The following CDH4 variants were observed in gnomAD, a reference collection of about 807,000 sequenced individuals.
CDH4 encodes cadherin 4, also known as cadherin-4.
CDH4 carries 33 observed loss-of-function variants against 86.0 expected under a neutral mutation model. The ratio of observed to expected loss-of-function variants is 0.38; its 90% CI spans 0.29 to 0.51. The LOEUF (loss-of-function observed/expected upper bound fraction) is 0.51, where lower values mean the gene tolerates loss of function less well. Among genes scored for constraint, CDH4 ranks in the 20% least tolerant of loss-of-function variants. The pLI is 0.86. For missense variants in CDH4, 1,114 were observed against 1,307.4 expected (o/e 0.85, Z 2.28); for synonymous variants, 555 against 549.4 (o/e 1.01, Z -0.14).
intron 2 of CDH4, among the ~76,000 whole-genome samples, chr20:61,734,860 A>T (rs2088241053): frequency 6.6e-6 from 1 of 152,216 alleles, no homozygotes; most frequent in African/African-American, 2.4e-5. Context: ...ACCTGGGCAG[A>T]TATTCAAGAA....
chr20:61,335,839 G>A (rs2084614120), intron 2 of CDH4, among the ~76,000 whole-genome samples: 1 of 152,190 alleles, frequency 6.6e-6, no homozygotes, highest in South Asian at 2.1e-4. Context: ...GGTGACTTTG[G>A]TAAGAGCTGG....
intron 2 of CDH4, among the ~76,000 whole-genome samples, chr20:61,611,936 G>A (rs1386454970): frequency 2.6e-5 from 4 of 152,098 alleles, no homozygotes; most frequent in South Asian, 2.1e-4. Flanking sequence ...TGTGTGGGGG[G>A]ATACGGGCGA....
At chr20:61,316,002 C>CTT (rs2084474361) in intron 2 of CDH4, among the ~76,000 whole-genome samples, 1 of 152,116 alleles carries the variant, frequency 6.6e-6, no homozygotes, top group Admixed American at 6.5e-5. Flanking sequence ...TCCACAGGGC[C>CTT]CTGGAAGCTG....
intron 2 of CDH4, among the ~76,000 whole-genome samples, chr20:61,521,984 G>A (rs1046773536): frequency 2.0e-5 from 3 of 152,216 alleles, no homozygotes; most frequent in East Asian, 1.9e-4. Context: ...TTGAAGGTCC[G>A]CTTATTAATT....
intron 11 of CDH4, among the ~76,000 whole-genome samples, chr20:61,927,464 A>T (rs1363561144): frequency 2.0e-5 from 3 of 152,186 alleles, no homozygotes; most frequent in African/African-American, 7.2e-5. Context: ...CCGGGCCAGG[A>T]GGGAGCTTCC....
chr20:61,802,382 C>T (rs887726087), intron 4 of CDH4, among the ~76,000 whole-genome samples: 1 of 152,182 alleles, frequency 6.6e-6, no homozygotes, highest in Non-Finnish European at 1.5e-5. Context: ...TGTGTGTAGC[C>T]GAGAACCTCG....
chr20:61,627,937 C>A (rs2086845730), intron 2 of CDH4, among the ~76,000 whole-genome samples: 1 of 152,090 alleles, frequency 6.6e-6, no homozygotes, highest in African/African-American at 2.4e-5. Context: ...CAGCCGCCTC[C>A]TGGGCCCCCT....
chr20:61,821,378 C>T (rs1209556120), intron 4 of CDH4, among the ~76,000 whole-genome samples: 4 of 106,396 alleles, frequency 3.8e-5, no homozygotes, highest in Admixed American at 9.8e-5. Flanking sequence ...TCACTCCCTA[C>T]GCAGCCCCCA....
At chr20:61,451,547 C>T (rs1054898524) in intron 2 of CDH4, among the ~76,000 whole-genome samples, 3 of 152,220 alleles carry the variant, frequency 2.0e-5, no homozygotes, top group Non-Finnish European at 2.9e-5. Flanking sequence ...AGCATTTCTT[C>T]CTCTTCTACC....
intron 2 of CDH4, among the ~76,000 whole-genome samples, chr20:61,611,831 C>T (rs935777128): frequency 2.6e-5 from 4 of 151,942 alleles, no homozygotes; most frequent in East Asian, 1.9e-4. Context: ...GACTCTCCCA[C>T]GTCTTGGGCT....
intron 2 of CDH4, among the ~76,000 whole-genome samples, chr20:61,410,089 G>C (rs994508731): frequency 2.6e-5 from 4 of 152,240 alleles, no homozygotes; most frequent in Admixed American, 6.5e-5. Flanking sequence ...TTGATCCCAT[G>C]AGAATTGGCT....
At chr20:61,343,654 A>G (rs1283268100) in intron 2 of CDH4, among the ~76,000 whole-genome samples, 1 of 152,212 alleles carries the variant, frequency 6.6e-6, no homozygotes, top group Admixed American at 6.5e-5. Flanking sequence ...GGCTTCCAAA[A>G]AGGCTCATCC....
intron 4 of CDH4, among the ~76,000 whole-genome samples, chr20:61,820,084 G>C (rs1387257291): frequency 6.6e-6 from 1 of 152,192 alleles, no homozygotes; most frequent in Non-Finnish European, 1.5e-5. Context: ...TCAGACTCGG[G>C]GGGTCCTGCC....
intron 2 of CDH4, among the ~76,000 whole-genome samples, chr20:61,688,333 TC>T (rs1038090759): frequency 3.3e-5 from 5 of 151,656 alleles, no homozygotes; most frequent in African/African-American, 1.2e-4. Context: ...CCCTCCTCTC[TC>T]CCCATTGTGT....
intron 2 of CDH4, among the ~76,000 whole-genome samples, chr20:61,713,157 A>G (rs2087911315): frequency 6.7e-6 from 1 of 150,036 alleles, no homozygotes; most frequent in South Asian, 2.1e-4. Flanking sequence ...TGCAAAAATA[A>G]GTAAAGATGC....
chr20:61,669,022 G>T (rs1177024521), intron 2 of CDH4, among the ~76,000 whole-genome samples: 1 of 152,224 alleles, frequency 6.6e-6, no homozygotes, highest in African/African-American at 2.4e-5. Flanking sequence ...GAAGCTCAGG[G>T]CTGCGGCAGG....
intron 10 of CDH4, 53 bp downstream of exon 10, chr20:61,923,757 C>T: frequency 6.4e-7 from 1 of 1,565,722 alleles, no homozygotes; most frequent in Non-Finnish European, 8.6e-7. Context: ...AGGTTCCATA[C>T]AGAAGGGTCC....
chr20:61,370,510 G>C (rs1451114085), intron 2 of CDH4: 1 of 152,160 alleles, frequency 6.6e-6, no homozygotes, highest in Non-Finnish European at 1.5e-5. Flanking sequence ...CAAGTCCAGG[G>C]GTTTCCTCCT....
At chr20:61,406,658 T>C (rs1266662943) in intron 2 of CDH4, among the ~76,000 whole-genome samples, 1 of 145,804 alleles carries the variant, frequency 6.9e-6, no homozygotes, top group Non-Finnish European at 1.5e-5. Flanking sequence ...CCATCTGCTC[T>C]GCCCGGACCA....
Sources: allele counts gnomAD v4.1 joint callset (sites outside exome capture counted in the v4.1 genomes callset), GRCh38; gene constraint gnomAD v4.1.1; transcripts MANE v1.5; gene names NCBI Gene and HGNC (gene_info 2026-07-23, HGNC 2026-07-21).